The following DRC7 variants were observed in gnomAD, a reference collection of about 807,000 sequenced individuals.
DRC7 encodes coiled-coil domain containing 135.
In DRC7, 80 loss-of-function variants were observed where a neutral mutation model predicts 104.4. The ratio of observed to expected loss-of-function variants is 0.77; its 90% CI spans 0.64 to 0.92. The LOEUF (loss-of-function observed/expected upper bound fraction) is 0.92, where lower values mean the gene tolerates loss of function less well. DRC7 is among the 40% of genes least tolerant of loss of function. The pLI is 0.00. For synonymous variants in DRC7, 405 were observed against 447.3 expected (o/e 0.91, Z 1.19); for missense variants, 1,034 against 1,141.1 (o/e 0.91, Z 1.35).
chr16:57,695,975 C>A (rs1467210678), intron 1 of DRC7, among the ~76,000 whole-genome samples: 1 of 152,250 alleles, frequency 6.6e-6, no homozygotes, highest in Non-Finnish European at 1.5e-5. Flanking sequence ...TGCCCTCTTG[C>A]TCCTGGCTTC....
Position 57,698,989 on chromosome 16 carries a change from C to T in DRC7, c.343C>T (p.Leu115Phe). 1 of 1,614,214 alleles carries T rather than the reference C, an allele frequency of 6.2e-7. No homozygotes were observed. Among genetic ancestry groups the T allele is most frequent in the Non-Finnish European group, 8.5e-7 (1 of 1,180,024 alleles). The part of the protein sequence containing the change: ...YSHLCPDRVP[L>F]FLHPLNECEV... ...CCATCTGTGCCCGGACCGCGTGCCCCTCTTCCTGCACCCCCTGAACGAGTG... is the reference window on the plus strand; with the variant it reads ...CCATCTGTGCCCGGACCGCGTGCCCTTCTTCCTGCACCCCCTGAACGAGTG... The change falls in exon 4 of 19, where the codon CTC becomes TTC. Residue 115 changes from leucine (L) to phenylalanine (F), a missense_variant. Transcript: ENST00000360716.
chr16:57,696,232 T>C (rs1333606655), intron 1 of DRC7, among the ~76,000 whole-genome samples: 1 of 152,148 alleles, frequency 6.6e-6, no homozygotes, highest in Non-Finnish European at 1.5e-5. Context: ...AGGTTTCTTA[T>C]ATAAGGAAAG....
chr16:57,704,232 A>C (rs1465010536), intron 6 of DRC7, among the ~76,000 whole-genome samples: 2 of 152,156 alleles, frequency 1.3e-5, no homozygotes, highest in Admixed American at 6.5e-5. Flanking sequence ...CACAGCAGGA[A>C]AATGGAGACT....
At chr16:57,722,937 G>A in intron 11 of DRC7, 65 bp from the exon 12 acceptor site, 1 of 1,612,998 alleles carries the variant, frequency 6.2e-7, no homozygotes, top group East Asian at 2.2e-5. Context: ...TGTGTGCCTG[G>A]AATAAGGGGG....
At chr16:57,729,509 G>A (rs2049022337) in intron 17 of DRC7, among the ~76,000 whole-genome samples, 1 of 141,650 alleles carries the variant, frequency 7.1e-6, no homozygotes. Context: ...TGGATGAGTG[G>A]GTGGGTGGAT....
chr16:57,707,400 G>A (rs1431177161), intron 7 of DRC7, 60 bp from the exon 8 acceptor site: 5 of 1,499,262 alleles, frequency 3.3e-6, no homozygotes, highest in African/African-American at 1.4e-5. Context: ...GGAGATGTCT[G>A]GGCCCCTGAC....
At chr16:57,729,071 TG>T (rs1355575381) in intron 17 of DRC7, among the ~76,000 whole-genome samples, 4 of 149,182 alleles carry the variant, frequency 2.7e-5, no homozygotes, top group Non-Finnish European at 4.5e-5. Flanking sequence ...AGTGAGTGAG[TG>T]GATGGATGAG....
rs2048695199 is a variant in DRC7, at chr16:57,704,896, G to T, written c.720G>T (p.Lys240Asn). 5.6e-6 allele frequency: 9 copies of T among 1,613,502 alleles called. No individual in the cohort carries two copies. The highest frequency in any genetic ancestry group is 7.6e-6 in the Non-Finnish European group (9 of 1,179,826). The change falls in exon 7 of 19, where the codon AAG (lysine) becomes AAT (asparagine). Residue 240 changes from lysine (K) to asparagine (N), a missense_variant. Lys to Asn is a moderately conservative substitution (Grantham distance 94). Transcript: ENST00000360716. The stretch of plus-strand genomic sequence containing the variant: ...GACAGACCATCAAGAAGGAGGAAAA[G>T]GTGCTGCCTAAGAAGTATACCATCA... ...KPKETIKKEE[K>N]VLPKKYTIKP...
At chr16:57,722,605 G>A in intron 10 of DRC7, 108 bp from the exon 11 acceptor site, 1 of 1,447,596 alleles carries the variant, frequency 6.9e-7, no homozygotes, top group South Asian at 1.2e-5. Context: ...GGGGCTGGAG[G>A]AGTTCAGTAC....
At chr16:57,727,451 C>A in intron 16 of DRC7, 42 bp downstream of exon 16, 3 of 1,445,216 alleles carry the variant, frequency 2.1e-6, no homozygotes, top group Non-Finnish European at 2.9e-6. Context: ...TTTTCCTAGA[C>A]CCCCCTGGTC....
At chr16:57,700,947 A>G (rs1466315975) in intron 5 of DRC7, among the ~76,000 whole-genome samples, 1 of 152,096 alleles carries the variant, frequency 6.6e-6, no homozygotes, top group African/African-American at 2.4e-5. Flanking sequence ...ATGCATTGCA[A>G]TCCTAGTTAG....
At chr16:57,699,940 C>T (rs77444933) in intron 4 of DRC7, among the ~76,000 whole-genome samples, 2,903 of 152,306 alleles carry the variant, frequency 0.019, 107 homozygotes, top group African/African-American at 0.066. Flanking sequence ...GTCATTGCCA[C>T]TGCGCCACTG....
At position 57,725,309 on chromosome 16, in the gene DRC7, A is replaced by G. The variant is rs557755640; in HGVS notation, c.1758+474A>G. 4.6e-5 allele frequency among the ~76,000 whole-genome samples: 7 copies of G among 152,270 alleles called. No individual in the cohort carries two copies. The East Asian group carries it at 1.4e-3, about 29-fold the overall frequency. ...GAATAGCATGGGGGAAACCACCTCC[A>G]TGATTCAATTATCTCCACCTGGTCC... On this transcript the variant is annotated intron_variant, in intron 13 of 18. Transcript: ENST00000360716.
At position 57,730,966 on chromosome 16, in the gene DRC7, C is replaced by T. The variant is rs748928314; in HGVS notation, c.2427C>T (p.Tyr809=). Residue 809 remains tyrosine (Y), a synonymous_variant, in exon 18 of 19, where the codon TAC becomes TAT. Coordinates refer to ENST00000360716, the MANE Select transcript of DRC7 (RefSeq NM_001289162.2). The part of the protein sequence containing the change: ...TQELQKKQQW[Y]QENQVTLTPE... ...AGCTGCAAAAGAAGCAGCAGTGGTA[C>T]CAGGAGAACCAGGTGACGCTGACAC... The T allele has an allele frequency of 1.2e-6, 2 of 1,613,406 alleles. No homozygotes were observed. Among genetic ancestry groups the T allele is most frequent in the African/African-American group, 2.7e-5 (2 of 74,902 alleles).
At chr16:57,729,221 AGTGG>A (rs2049015571) in intron 17 of DRC7, among the ~76,000 whole-genome samples, 2 of 18,330 alleles carry the variant, frequency 1.1e-4, no homozygotes, top group African/African-American at 2.6e-4. Flanking sequence ...TGAATGGATG[AGTGG>A]GTGGGTGGGT....
intron 2 of DRC7, among the ~76,000 whole-genome samples, chr16:57,697,147 A>G (rs2048601688): frequency 6.6e-6 from 1 of 151,994 alleles, no homozygotes; most frequent in South Asian, 2.1e-4. Flanking sequence ...TTCTGACCTC[A>G]AGTGATCCAC....
rs548351138 is a variant in DRC7 at position 57,721,745 on chromosome 16, T to C, written c.1279+6T>C. The C allele has an allele frequency of 9.7e-5, 156 of 1,611,508 alleles. No individual in the cohort carries two copies. Among genetic ancestry groups the C allele is most frequent in the Non-Finnish European group, 1.3e-4 (151 of 1,177,982 alleles). On this transcript the variant is annotated splice_donor_region_variant and intron_variant, in intron 10 of 18. Coordinates refer to ENST00000360716, the MANE Select transcript of DRC7 (RefSeq NM_001289162.2). The stretch of plus-strand genomic sequence containing the variant: ...GATTGAGATCTCCCCGGAAGGTATT[T>C]TCTATTTGTGTATTCACTTATCCTC...
intron 8 of DRC7, among the ~76,000 whole-genome samples, chr16:57,713,139 CT>C (rs2048806217): frequency 6.6e-6 from 1 of 152,180 alleles, no homozygotes; most frequent in Admixed American, 6.5e-5. Context: ...ATAATATGGT[CT>C]GTCTAGGAAA....
chr16:57,706,227 TCCTC>T (rs2048724022), intron 7 of DRC7, among the ~76,000 whole-genome samples: 1 of 113,268 alleles, frequency 8.8e-6, no homozygotes, highest in Non-Finnish European at 1.8e-5. Context: ...CATCCATCCA[TCCTC>T]CCACCCACCC....
Sources: allele counts gnomAD v4.1 joint callset (sites outside exome capture counted in the v4.1 genomes callset), GRCh38; gene constraint gnomAD v4.1.1; transcripts MANE v1.5; gene names NCBI Gene and HGNC (gene_info 2026-07-23, HGNC 2026-07-21).